ZNF385D: variants seen among roughly 807,000 people sequenced by gnomAD.
ZNF385D encodes the protein zinc finger protein 385D, also known as zinc finger protein 659.
A neutral mutation model predicts 35.8 loss-of-function variants in ZNF385D; 15 were observed. That is an observed-to-expected ratio of 0.42 (90% confidence interval 0.28 to 0.64). The LOEUF (loss-of-function observed/expected upper bound fraction) is 0.64, where lower values mean the gene tolerates loss of function less well. ZNF385D is among the 30% of genes least tolerant of loss of function. The probability of loss-of-function intolerance (pLI) is 0.23; values close to 1 mark genes in which losing one functional copy is unlikely to be tolerated. For missense variants in ZNF385D, 474 were observed against 494.6 expected (o/e 0.96, Z 0.39); for synonymous variants, 212 against 186.8 (o/e 1.13, Z -1.10).
At chr3:22,166,061 T>C (rs1706299030) in intron 3 of ZNF385D, among the ~76,000 whole-genome samples, 1 of 128,468 alleles carries the variant, frequency 7.8e-6, no homozygotes, top group Non-Finnish European at 1.9e-5. Context: ...GCCCTGATCC[T>C]ACCATTCTTG....
chr3:22,335,343 T>A (rs1695116291), intron 2 of ZNF385D, among the ~76,000 whole-genome samples: 1 of 152,158 alleles, frequency 6.6e-6, no homozygotes, highest in Admixed American at 6.5e-5. Flanking sequence ...TGTACAAAAA[T>A]AAACATTTCA....
rs1200382943 is a variant in ZNF385D, at chr3:21,417,486, T to G, written c.*3728A>C. On this transcript the variant is annotated 3_prime_UTR_variant, in exon 8 of 8. Coordinates refer to ENST00000281523, the MANE Select transcript of ZNF385D (RefSeq NM_024697.3). ...AGGTAATTTTCTACTTCAATTCAGA[T>G]CTAAAGAAACAGGCCTATATACCAC... 3 of 152,122 alleles carry G rather than the reference T, an allele frequency of 2.0e-5. No individual in the cohort carries two copies. Among genetic ancestry groups the G allele is most frequent in the Non-Finnish European group, 4.4e-5 (3 of 68,006 alleles). 9.4% of individuals were successfully genotyped at this position (152,122 alleles called of 1,614,324 possible).
intron 1 of ZNF385D, among the ~76,000 whole-genome samples, chr3:21,677,571 G>A (rs913955890): frequency 6.6e-6 from 1 of 151,912 alleles, no homozygotes; most frequent in East Asian, 1.9e-4. Context: ...AAAAGCACAG[G>A]CCTAAATAAA....
chr3:21,983,433 C>A (rs555238708), intron 3 of ZNF385D, among the ~76,000 whole-genome samples: 13 of 105,486 alleles, frequency 1.2e-4, no homozygotes, highest in South Asian at 3.7e-4. Context: ...TTTGTTCTTG[C>A]GATAGTTTAC....
chr3:21,588,480 CTA>C (rs1482623670), intron 2 of ZNF385D, among the ~76,000 whole-genome samples: 6 of 151,844 alleles, frequency 4.0e-5, no homozygotes, highest in Non-Finnish European at 8.8e-5. Flanking sequence ...AAAAACTTAA[CTA>C]TGTCTGTAAG....
chr3:21,912,799 T>C (rs1050312220), intron 3 of ZNF385D, among the ~76,000 whole-genome samples: 9 of 152,070 alleles, frequency 5.9e-5, no homozygotes, highest in South Asian at 2.1e-4. Flanking sequence ...ATAAGATAGA[T>C]TGGCATTCCT....
intron 3 of ZNF385D, among the ~76,000 whole-genome samples, chr3:21,804,594 G>C (rs573476284): frequency 2.6e-5 from 4 of 152,154 alleles, no homozygotes; most frequent in Non-Finnish European, 4.4e-5. Flanking sequence ...GTACATTTAT[G>C]CAAGAAAACA....
At chr3:21,842,790 A>T (rs1211246328) in intron 3 of ZNF385D, among the ~76,000 whole-genome samples, 1 of 152,078 alleles carries the variant, frequency 6.6e-6, no homozygotes, top group Admixed American at 6.6e-5. Context: ...TTGCTATCAA[A>T]CAGCAGTTAA....
intron 3 of ZNF385D, among the ~76,000 whole-genome samples, chr3:21,924,555 T>C (rs1342393080): frequency 6.6e-6 from 1 of 152,196 alleles, no homozygotes; most frequent in African/African-American, 2.4e-5. Flanking sequence ...AGGCTGTATA[T>C]GGATCCTAGG....
Position 21,742,713 on chromosome 3 carries a change from C to G in ZNF385D, c.22+8182G>C, listed in dbSNP as rs115214310. On this transcript the variant is annotated intron_variant, in intron 1 of 7. Coordinates refer to ENST00000281523, the MANE Select transcript of ZNF385D (RefSeq NM_024697.3). ...CCTGGGCCCTGGCCTTCAGGAGTCT[C>G]TCTTGTGTTTCCATCTATAACTACC... is the stretch of plus-strand genomic sequence containing the variant. Among the ~76,000 whole-genome samples, 1,484 of 152,288 alleles carry G rather than the reference C, an allele frequency of 9.7e-3. 18 individuals are homozygous for G. The highest frequency in any genetic ancestry group is 0.034 in the African/African-American group (1,423 of 41,554).
At chr3:21,472,331 T>C (rs1342166736) in intron 4 of ZNF385D, among the ~76,000 whole-genome samples, 2 of 152,080 alleles carry the variant, frequency 1.3e-5, no homozygotes, top group African/African-American at 4.8e-5. Flanking sequence ...GAAGTGCGCC[T>C]AATGGCCATG....
intron 2 of ZNF385D, among the ~76,000 whole-genome samples, chr3:21,605,112 G>A (rs2125774359): frequency 6.6e-6 from 1 of 152,288 alleles, no homozygotes; most frequent in Non-Finnish European, 1.5e-5. Flanking sequence ...AGGCATGTAT[G>A]GAGGATGAGT....
intron 2 of ZNF385D, among the ~76,000 whole-genome samples, chr3:21,621,571 G>GTGTGTGTGTA (rs1193766706): frequency 8.6e-5 from 13 of 151,488 alleles, no homozygotes; most frequent in Non-Finnish European, 1.5e-4. Flanking sequence ...GTGTGTGTGT[G>GTGTGTGTGTA]TGTGTGTGTG....
intron 3 of ZNF385D, among the ~76,000 whole-genome samples, chr3:22,132,234 A>G (rs569653419): frequency 6.6e-6 from 1 of 152,248 alleles, no homozygotes; most frequent in East Asian, 1.9e-4. Flanking sequence ...TAGAGCCCCT[A>G]TAAAAAAAGG....
rs141964051 is a variant in ZNF385D at position 21,954,805 on chromosome 3, CCTCA to C, written c.325+214008_325+214011del. On this transcript the variant is annotated intron_variant, in intron 3 of 5. Transcript: ENST00000494108. Reference sequence around the variant, plus strand: ...GACATCCCCACCCTCACTTCCCTTTCCTCACTGACTTTTGTGTTATACTTGCATC... The same window carrying C: ...GACATCCCCACCCTCACTTCCCTTTCCTGACTTTTGTGTTATACTTGCATC... 3.6e-3 allele frequency among the ~76,000 whole-genome samples: 555 copies of C among 152,248 alleles called. 2 individuals are homozygous for C. The highest frequency in any genetic ancestry group is 0.01 in the Middle Eastern group (3 of 294).
intron 3 of ZNF385D, among the ~76,000 whole-genome samples, chr3:21,832,002 A>G (rs1458536930): frequency 6.6e-6 from 1 of 152,238 alleles, no homozygotes; most frequent in Non-Finnish European, 1.5e-5. Context: ...CCCTTTAATT[A>G]GCTTGCATAC....
At chr3:21,833,184 T>A (rs949501954) in intron 3 of ZNF385D, among the ~76,000 whole-genome samples, 2 of 152,150 alleles carry the variant, frequency 1.3e-5, no homozygotes, top group African/African-American at 4.8e-5. Context: ...CCTGTATTAT[T>A]GAGTTTTCTT....
intron 1 of ZNF385D, among the ~76,000 whole-genome samples, chr3:21,719,482 G>A (rs1034696165): frequency 6.6e-6 from 1 of 152,196 alleles, no homozygotes; most frequent in Non-Finnish European, 1.5e-5. Context: ...TTCCTCTGGA[G>A]AGAGCACGCG....
intron 3 of ZNF385D, among the ~76,000 whole-genome samples, chr3:21,900,655 G>A (rs960570288): frequency 7.2e-5 from 11 of 152,164 alleles, no homozygotes; most frequent in African/African-American, 2.4e-4. Context: ...CTTAAACCAA[G>A]AAGTTAAATT....
Sources: gnomAD v4.1 joint callset for allele counts (sites outside exome capture counted in the v4.1 genomes callset) on GRCh38, gnomAD v4.1.1 for gene constraint, MANE v1.5 for transcripts, NCBI Gene and HGNC (gene_info 2026-07-23, HGNC 2026-07-21) for gene names.